Variants in MYO1B observed in about 807,000 individuals in gnomAD.
MYO1B encodes unconventional myosin-Ib.
MYO1B carries 72 observed loss-of-function variants against 159.7 expected under a neutral mutation model. The ratio of observed to expected loss-of-function variants is 0.45; its 90% CI spans 0.37 to 0.55. The LOEUF (loss-of-function observed/expected upper bound fraction) is 0.55, where lower values mean the gene tolerates loss of function less well. Ranked by LOEUF, MYO1B falls within the 20% of genes least tolerant of loss-of-function variation. The pLI is 0.00. For synonymous variants in MYO1B, 468 were observed against 473.8 expected (o/e 0.99, Z 0.16); for missense variants, 1,062 against 1,364.8 (o/e 0.78, Z 3.50).
At chr2:191,264,408 CA>C (rs1687003044) in intron 1 of MYO1B, among the ~76,000 whole-genome samples, 1 of 151,918 alleles carries the variant, frequency 6.6e-6, no homozygotes, top group Non-Finnish European at 1.5e-5. Flanking sequence ...AAGGCATTAC[CA>C]AAGCTTCACT....
intron 1 of MYO1B, among the ~76,000 whole-genome samples, chr2:191,248,346 T>C (rs1685911830): frequency 6.6e-6 from 1 of 152,132 alleles, no homozygotes. Flanking sequence ...TACAATGGGG[T>C]TATGTCCTGA....
intron 3 of MYO1B, among the ~76,000 whole-genome samples, chr2:191,329,720 A>G (rs1489864789): frequency 1.3e-5 from 2 of 150,954 alleles, no homozygotes; most frequent in African/African-American, 2.4e-5. Context: ...AAACAGTACT[A>G]TTTTGGTTAA....
chr2:191,412,307 A>G (rs1311992109), intron 27 of MYO1B, among the ~76,000 whole-genome samples: 1 of 152,210 alleles, frequency 6.6e-6, no homozygotes, highest in African/African-American at 2.4e-5. Flanking sequence ...TAACCTTCTT[A>G]ATGAACATTT....
intron 2 of MYO1B, among the ~76,000 whole-genome samples, chr2:191,294,028 CATTT>C (rs1176641919): frequency 6.6e-6 from 1 of 152,150 alleles, no homozygotes; most frequent in Non-Finnish European, 1.5e-5. Context: ...GTGATTTGGT[CATTT>C]AGTTAACAAA....
intron 1 of MYO1B, among the ~76,000 whole-genome samples, chr2:191,276,453 G>A (rs1043692979): frequency 3.9e-5 from 6 of 152,204 alleles, no homozygotes; most frequent in Admixed American, 3.9e-4. Context: ...CTGATATGTG[G>A]CAAGTAAACA....
intron 14 of MYO1B, among the ~76,000 whole-genome samples, 170 bp from the exon 15 acceptor site, chr2:191,383,110 C>T (rs4641883): frequency 0.82 from 124,146 of 152,038 alleles, 54,534 homozygotes; most frequent in Non-Finnish European, 0.98. Flanking sequence ...TAGGCAGCTG[C>T]ATTGAGAAAG....
At chr2:191,370,354 C>T (rs1694282041) in intron 13 of MYO1B, 62 bp downstream of exon 13, 1 of 1,151,660 alleles carries the variant, frequency 8.7e-7, no homozygotes, top group African/African-American at 1.5e-5. Context: ...AAATTAAATC[C>T]TGTATTATGT....
chr2:191,258,308 G>C (rs1686580522), intron 1 of MYO1B, among the ~76,000 whole-genome samples: 1 of 152,168 alleles, frequency 6.6e-6, no homozygotes, highest in African/African-American at 2.4e-5. Flanking sequence ...AGAAGGAATA[G>C]TAAAGATATG....
chr2:191,357,504 A>G (rs1470760554), intron 7 of MYO1B, among the ~76,000 whole-genome samples: 1 of 152,232 alleles, frequency 6.6e-6, no homozygotes, highest in African/African-American at 2.4e-5. Context: ...ATTTAATATA[A>G]ACTTAAATTT....
At position 191,254,371 on chromosome 2, in the gene MYO1B, G is replaced by A. The variant is rs529164282; in HGVS notation, c.-10+8745G>A. 6.6e-5 allele frequency among the ~76,000 whole-genome samples: 10 copies of A among 151,998 alleles called. No individual in the cohort carries two copies. The South Asian group carries it at 1.3e-3, about 19-fold the overall frequency. On this transcript the variant is annotated intron_variant, in intron 1 of 30. Transcript: ENST00000392318. ...GGGATTACAGGCATGCAACCACCAC[G>A]CCTGGCTAATTTTGTATTTTTGGCA...
intron 2 of MYO1B, among the ~76,000 whole-genome samples, chr2:191,283,942 T>C (rs1688213402): frequency 6.6e-6 from 1 of 152,218 alleles, no homozygotes; most frequent in African/African-American, 2.4e-5. Context: ...TGCAGTGACA[T>C]GAACCAGCGT....
chr2:191,359,043 C>G (rs1693487795), intron 7 of MYO1B, among the ~76,000 whole-genome samples: 1 of 152,184 alleles, frequency 6.6e-6, no homozygotes, highest in Admixed American at 6.5e-5. Flanking sequence ...TGAGGAATTT[C>G]CTATAAAAAT....
chr2:191,285,020 G>A (rs1574337299), intron 2 of MYO1B, among the ~76,000 whole-genome samples: 1 of 152,122 alleles, frequency 6.6e-6, no homozygotes, highest in East Asian at 1.9e-4. Flanking sequence ...TCCTTTCATA[G>A]CAGTTCCTGT....
rs867447457 is a variant in MYO1B at position 191,313,600 on chromosome 2, G to A, written c.252-16335G>A. ...GGGCTTTCACCGTGTTAGCCAGGATGGTCTCGATCTCCTGACCTCGTGATC... is the reference window on the plus strand; with the variant it reads ...GGGCTTTCACCGTGTTAGCCAGGATAGTCTCGATCTCCTGACCTCGTGATC... On this transcript the variant is annotated intron_variant, in intron 3 of 30. Transcript: ENST00000392318. Among the ~76,000 whole-genome samples the A allele has an allele frequency of 1.3e-5, 2 of 152,172 alleles. 1 individual carries two copies. The highest frequency in any genetic ancestry group is 6.8e-3 in the Middle Eastern group (2 of 294).
At position 191,372,879 on chromosome 2, in the gene MYO1B, C is replaced by CTTTTT. The variant is rs34444520; in HGVS notation, c.1185+2609_1185+2613dup. ...TATGAAAATGCCTGCGTTATATTTC[C>CTTTTT]TTTTTTTTTTTTTTTTTTTTTTTTT... On this transcript the variant is annotated intron_variant, in intron 13 of 30. Coordinates refer to ENST00000392318, the MANE Select transcript of MYO1B (RefSeq NM_001130158.3). 3.5e-3 allele frequency among the ~76,000 whole-genome samples: 242 copies of CTTTTT among 70,142 alleles called. 27 individuals are homozygous for CTTTTT. Among genetic ancestry groups the CTTTTT allele is most frequent in the Admixed American group, 0.032 (138 of 4,340 alleles). The allele number at this position is 70,142 out of a possible 152,430, so 46.0% of individuals were successfully genotyped here.
intron 6 of MYO1B, among the ~76,000 whole-genome samples, chr2:191,349,029 C>T (rs1332651094): frequency 2.0e-5 from 3 of 152,314 alleles, no homozygotes; most frequent in African/African-American, 4.8e-5. Flanking sequence ...AGATTTCCTA[C>T]TCTCCCTTTG....
intron 3 of MYO1B, 127 bp from the exon 4 acceptor site, chr2:191,329,808 A>T (rs1175374767): frequency 1.5e-6 from 1 of 650,538 alleles, no homozygotes; most frequent in Admixed American, 2.7e-5. Flanking sequence ...TTCAAAGGAA[A>T]TAAAAGGTGA....
At chr2:191,394,534 G>A (rs1190105510) in intron 20 of MYO1B, among the ~76,000 whole-genome samples, 1 of 152,170 alleles carries the variant, frequency 6.6e-6, no homozygotes, top group Admixed American at 6.5e-5. Context: ...ACTTCCTAAA[G>A]TTTATATCTA....
At chr2:191,260,254 C>CTTTTTTTTTTTCTTTTTTTTTTT (rs1686721630) in intron 1 of MYO1B, among the ~76,000 whole-genome samples, 1 of 60,962 alleles carries the variant, frequency 1.6e-5, no homozygotes, top group East Asian at 8.3e-4. Flanking sequence ...CCCAGATAGG[C>CTTTTTTTTTTTCTTTTTTTTTTT]TTTTTTTTTT....
Sources: gnomAD v4.1 joint callset for allele counts (sites outside exome capture counted in the v4.1 genomes callset) on GRCh38, gnomAD v4.1.1 for gene constraint, MANE v1.5 for transcripts, NCBI Gene and HGNC (gene_info 2026-07-23, HGNC 2026-07-21) for gene names.